The following PDE8A variants were observed in gnomAD, a reference collection of about 807,000 sequenced individuals.
PDE8A encodes the protein phosphodiesterase 8A.
Under a neutral mutation model 105.0 loss-of-function variants are expected in PDE8A, and 59 were observed. The observed-to-expected ratio is 0.56, with a 90% CI of 0.46 to 0.70. The LOEUF (loss-of-function observed/expected upper bound fraction) is 0.70, where lower values mean the gene tolerates loss of function less well. PDE8A is among the 30% of genes least tolerant of loss of function. PDE8A has a pLI of 0.00. For synonymous variants in PDE8A, 355 were observed against 371.9 expected (o/e 0.95, Z 0.52); for missense variants, 1,014 against 1,045.9 (o/e 0.97, Z 0.42).
chr15:85,014,978 GTC>G (rs1387208419), intron 1 of PDE8A, among the ~76,000 whole-genome samples: 1 of 152,026 alleles, frequency 6.6e-6, no homozygotes, highest in Non-Finnish European at 1.5e-5. Flanking sequence ...TCTATTTTCT[GTC>G]TCTCTGAATT....
chr15:84,981,691 AGGCGGC>A (rs143049742), upstream of PDE8A, among the ~76,000 whole-genome samples: 163 of 150,784 alleles, frequency 1.1e-3, no homozygotes, highest in African/African-American at 3.6e-3. Flanking sequence ...GGAGCCGGGG[AGGCGGC>A]GGCGGCGGCG....
chr15:84,995,551 G>C (rs566614808), intron 1 of PDE8A, among the ~76,000 whole-genome samples: 1 of 152,196 alleles, frequency 6.6e-6, no homozygotes, highest in Non-Finnish European at 1.5e-5. Context: ...AAACTCCTGG[G>C]CTCAAGCAGT....
At chr15:85,098,072 A>G (rs1267531959) in intron 9 of PDE8A, 36 bp downstream of exon 9, 2 of 1,222,092 alleles carry the variant, frequency 1.6e-6, no homozygotes, top group African/African-American at 1.5e-5. Context: ...ATCAACATAC[A>G]GTGTTTTGGG....
chr15:85,089,282 A>G lies in PDE8A; in HGVS notation c.636-56A>G, dbSNP rs541233505. On this transcript the variant is annotated intron_variant, in intron 6 of 21. Coordinates refer to ENST00000394553, the MANE Select transcript of PDE8A (RefSeq NM_002605.3). ...TACATTTAAATAATGTAATAACCCA[A>G]GATTTTATTTTGTAGTATTTACATT... 27 of 907,360 alleles carry G rather than the reference A, an allele frequency of 3.0e-5. 1 individual carries two copies. The South Asian group carries it at 3.7e-4, about 13-fold the overall frequency. The allele number at this position is 907,360 out of a possible 1,614,324, so 56.2% of individuals were successfully genotyped here. A position where few individuals can be genotyped will look rare whatever the true frequency, so the allele number is the denominator to read the frequency against.
At chr15:85,019,077 T>C (rs532255526) in intron 1 of PDE8A, among the ~76,000 whole-genome samples, 1 of 152,350 alleles carries the variant, frequency 6.6e-6, no homozygotes, top group South Asian at 2.1e-4. Flanking sequence ...TGCTTCCATC[T>C]CTAAAGAGGT....
chr15:85,114,134 G>C, intron 14 of PDE8A, 97 bp downstream of exon 14: 2 of 1,022,626 alleles, frequency 2.0e-6, no homozygotes, highest in Non-Finnish European at 2.9e-6. Context: ...GAGGCAGGCA[G>C]GGCTCTGTAG....
intron 11 of PDE8A, among the ~76,000 whole-genome samples, chr15:85,107,413 C>T (rs751575178): frequency 5.9e-5 from 9 of 152,124 alleles, no homozygotes; most frequent in East Asian, 1.9e-4. Flanking sequence ...TTACAACGAT[C>T]GCTTGGCTGC....
intron 1 of PDE8A, among the ~76,000 whole-genome samples, chr15:84,995,176 A>G (rs187909207): frequency 9.2e-5 from 14 of 152,346 alleles, no homozygotes; most frequent in Non-Finnish European, 1.5e-4. Flanking sequence ...AAGTTATAGA[A>G]CATTATTTTC....
At chr15:85,003,520 A>G (rs908603695) in intron 1 of PDE8A, among the ~76,000 whole-genome samples, 2 of 152,150 alleles carry the variant, frequency 1.3e-5, no homozygotes, top group African/African-American at 4.8e-5. Flanking sequence ...GAGGGTACTG[A>G]TCAGAACAAT....
At chr15:85,008,971 C>T (rs1459719198) in intron 1 of PDE8A, among the ~76,000 whole-genome samples, 1 of 152,136 alleles carries the variant, frequency 6.6e-6, no homozygotes, top group East Asian at 1.9e-4. Context: ...TTCAGGGCTC[C>T]TGTTCTGACA....
intron 5 of PDE8A, 28 bp from the exon 6 acceptor site, chr15:85,083,528 T>C (rs764731222): frequency 4.3e-6 from 6 of 1,386,986 alleles, no homozygotes; most frequent in Non-Finnish European, 1.0e-6. Context: ...CTTTTGTTTA[T>C]CCACAAAATT....
intron 1 of PDE8A, among the ~76,000 whole-genome samples, chr15:84,987,220 C>G (rs1159739028): frequency 6.6e-6 from 1 of 152,146 alleles, no homozygotes; most frequent in African/African-American, 2.4e-5. Context: ...ACATAAAATA[C>G]TTTGCATTTA....
At chr15:84,995,416 C>G (rs1475290839) in intron 1 of PDE8A, among the ~76,000 whole-genome samples, 2 of 151,674 alleles carry the variant, frequency 1.3e-5, no homozygotes, top group African/African-American at 4.8e-5. Flanking sequence ...CCTGGCTCAA[C>G]TGATCCTCCT....
chr15:85,058,098 AG>A, intron 1 of PDE8A, among the ~76,000 whole-genome samples: 1 of 152,040 alleles, frequency 6.6e-6, no homozygotes, highest in Non-Finnish European at 1.5e-5. Context: ...TTTTGTTTTA[AG>A]GGATAGGGTC....
intron 14 of PDE8A, 131 bp downstream of exon 14, chr15:85,114,168 C>T (rs1484758311): frequency 2.8e-6 from 2 of 721,964 alleles, no homozygotes; most frequent in Admixed American, 5.8e-5. Context: ...CCTAAACTCT[C>T]CTCCATTGCC....
chr15:85,095,363 A>G (rs1313444921), intron 8 of PDE8A, among the ~76,000 whole-genome samples: 7 of 152,114 alleles, frequency 4.6e-5, no homozygotes, highest in Non-Finnish European at 5.9e-5. Context: ...TTTTTCCTCA[A>G]GACAGAGTCT....
intron 1 of PDE8A, among the ~76,000 whole-genome samples, chr15:85,011,476 A>G (rs1464003422): frequency 6.6e-6 from 1 of 152,170 alleles, no homozygotes; most frequent in Non-Finnish European, 1.5e-5. Flanking sequence ...TCCAGTTTTA[A>G]TTAAATTTTG....
At chr15:85,032,164 A>C (rs548275584) in intron 1 of PDE8A, among the ~76,000 whole-genome samples, 1 of 152,218 alleles carries the variant, frequency 6.6e-6, no homozygotes, top group South Asian at 2.1e-4. Context: ...AAGGAAATGG[A>C]CTAGAAAAGA....
chr15:85,073,921 G>C (rs2081346964), intron 3 of PDE8A, among the ~76,000 whole-genome samples: 1 of 152,242 alleles, frequency 6.6e-6, no homozygotes, highest in Admixed American at 6.5e-5. Flanking sequence ...TTGAACTGGG[G>C]ATTGACACCT....
Sources: gnomAD v4.1 joint callset for allele counts (sites outside exome capture counted in the v4.1 genomes callset) on GRCh38, gnomAD v4.1.1 for gene constraint, MANE v1.5 for transcripts, NCBI Gene and HGNC (gene_info 2026-07-23, HGNC 2026-07-21) for gene names.